The following GRAMD1B variants were observed in gnomAD, a reference collection of about 807,000 sequenced individuals.
GRAMD1B encodes the protein protein Aster-B.
A neutral mutation model predicts 99.7 loss-of-function variants in GRAMD1B; 37 were observed. The observed-to-expected ratio is 0.37, with a 90% CI of 0.29 to 0.49. The LOEUF (loss-of-function observed/expected upper bound fraction) is 0.49. Among genes scored for constraint, GRAMD1B ranks in the 20% least tolerant of loss-of-function variants. The probability of loss-of-function intolerance (pLI) is 0.98; values close to 1 mark genes in which losing one functional copy is unlikely to be tolerated. For synonymous variants in GRAMD1B, 427 were observed against 387.6 expected, an observed-to-expected ratio of 1.10 and a Z score of -1.19; for missense variants, 888 against 1,009.2, an observed-to-expected ratio of 0.88 and a Z score of 1.63.
At chr11:123,511,544 A>G (rs1409393102) in intron 2 of GRAMD1B, among the ~76,000 whole-genome samples, 1 of 152,144 alleles carries the variant, frequency 6.6e-6, no homozygotes, top group Non-Finnish European at 1.5e-5. Flanking sequence ...GGGGGCATCT[A>G]AGGAGGCTGA....
chr11:123,556,710 T>C (rs1337284941), intron 2 of GRAMD1B, among the ~76,000 whole-genome samples: 1 of 152,202 alleles, frequency 6.6e-6, no homozygotes, highest in African/African-American at 2.4e-5. Context: ...GAAAAGCAGC[T>C]TGGGAATTTA....
chr11:123,360,249 T>C (rs1458334455), intron 1 of GRAMD1B, among the ~76,000 whole-genome samples: 3 of 152,218 alleles, frequency 2.0e-5, no homozygotes, highest in Non-Finnish European at 1.5e-5. Context: ...TATTCAACTA[T>C]GCCTCCTGCC....
chr11:123,621,425 C>G (rs1955098455), intron 19 of GRAMD1B, among the ~76,000 whole-genome samples: 1 of 152,210 alleles, frequency 6.6e-6, no homozygotes, highest in East Asian at 1.9e-4. Flanking sequence ...TAGGAACCCA[C>G]TCAGTTCTCT....
chr11:123,409,947 G>A (rs1309350794), intron 1 of GRAMD1B, among the ~76,000 whole-genome samples: 1 of 152,170 alleles, frequency 6.6e-6, no homozygotes, highest in African/African-American at 2.4e-5. Flanking sequence ...CCTCACTGAG[G>A]TCCAATTAGT....
At chr11:123,542,157 GAT>G (rs1944599924) in intron 2 of GRAMD1B, among the ~76,000 whole-genome samples, 1 of 152,150 alleles carries the variant, frequency 6.6e-6, no homozygotes, top group African/African-American at 2.4e-5. Flanking sequence ...TTGTAAATGA[GAT>G]ATAGAGCAAT....
intron 4 of GRAMD1B, among the ~76,000 whole-genome samples, chr11:123,585,600 TAGG>T (rs1949988587): frequency 6.6e-6 from 1 of 152,130 alleles, no homozygotes; most frequent in Non-Finnish European, 1.5e-5. Flanking sequence ...CCTTACCTTC[TAGG>T]AGGTTTCCTG....
At chr11:123,390,407 G>A (rs1947235027) in intron 1 of GRAMD1B, among the ~76,000 whole-genome samples, 1 of 152,160 alleles carries the variant, frequency 6.6e-6, no homozygotes, top group African/African-American at 2.4e-5. Flanking sequence ...GCATCACCCT[G>A]CTCCTTGAAT....
At chr11:123,383,711 C>A (rs560643516) in intron 1 of GRAMD1B, among the ~76,000 whole-genome samples, 2 of 151,956 alleles carry the variant, frequency 1.3e-5, no homozygotes, top group East Asian at 3.9e-4. Flanking sequence ...ACACATCTCC[C>A]TGATGTTAAC....
At chr11:123,612,939 G>A in intron 15 of GRAMD1B, 75 bp downstream of exon 15, 1 of 801,302 alleles carries the variant, frequency 1.2e-6, no homozygotes, top group South Asian at 1.6e-5. Flanking sequence ...ACCATTCAGG[G>A]GAATGGTATT....
chr11:123,385,764 C>G (rs1345824261), intron 1 of GRAMD1B, among the ~76,000 whole-genome samples: 1 of 152,186 alleles, frequency 6.6e-6, no homozygotes, highest in Non-Finnish European at 1.5e-5. Flanking sequence ...GTTTGTGGAA[C>G]TGAATTACAA....
chr11:123,529,350 T>A (rs1364123368), intron 2 of GRAMD1B, among the ~76,000 whole-genome samples: 1 of 152,240 alleles, frequency 6.6e-6, no homozygotes, highest in African/African-American at 2.4e-5. Flanking sequence ...TTCACACAGC[T>A]GTACCTCATG....
chr11:123,502,757 A>G (rs1004353981), intron 2 of GRAMD1B, among the ~76,000 whole-genome samples: 6 of 145,240 alleles, frequency 4.1e-5, no homozygotes, highest in Non-Finnish European at 9.0e-5. Flanking sequence ...CCTGGGTGGC[A>G]GAGCGAGACT....
chr11:123,388,153 G>C (rs1307781568), intron 1 of GRAMD1B, among the ~76,000 whole-genome samples: 1 of 139,614 alleles, frequency 7.2e-6, no homozygotes, highest in Non-Finnish European at 1.6e-5. Flanking sequence ...AAAAAAAATA[G>C]CTATGGTTAG....
intron 1 of GRAMD1B, among the ~76,000 whole-genome samples, chr11:123,477,548 A>G (rs887203720): frequency 2.7e-5 from 4 of 149,582 alleles, no homozygotes; most frequent in African/African-American, 9.9e-5. Context: ...TTTCTTTTTC[A>G]GGGTTTCCAA....
chr11:123,385,984 T>C (rs1016814004), intron 1 of GRAMD1B, among the ~76,000 whole-genome samples: 2 of 152,192 alleles, frequency 1.3e-5, no homozygotes, highest in African/African-American at 4.8e-5. Context: ...CTCACTTCTC[T>C]GTCCACTTCT....
intron 2 of GRAMD1B, among the ~76,000 whole-genome samples, chr11:123,556,588 C>T (rs963545983): frequency 6.6e-6 from 1 of 152,298 alleles, no homozygotes; most frequent in South Asian, 2.1e-4. Flanking sequence ...TCTCAGAAAC[C>T]TCTTTTCCTT....
Position 123,575,746 on chromosome 11 carries a change from C to A in GRAMD1B, c.453-1621C>A, listed in dbSNP as rs142182752. 2.3e-3 allele frequency among the ~76,000 whole-genome samples: 356 copies of A among 152,034 alleles called. 1 individual carries two copies. Among genetic ancestry groups the A allele is most frequent in the Middle Eastern group, 0.021 (6 of 292 alleles). ...TCTCTAACCAAAGTAAAGGAAGGTA[C>A]CTTCCTTTCTCCAGAGTTTATGGTA... On this transcript the variant is annotated intron_variant, in intron 2 of 19. Coordinates refer to ENST00000635736, the MANE Select transcript of GRAMD1B (RefSeq NM_001387025.1).
chr11:123,408,242 G>A (rs769319206), intron 1 of GRAMD1B, among the ~76,000 whole-genome samples: 67 of 152,290 alleles, frequency 4.4e-4, no homozygotes, highest in South Asian at 1.0e-3. Flanking sequence ...AGGACTCTAC[G>A]ACTGTCACAC....
At chr11:123,613,060 C>G (rs1953812700) in intron 15 of GRAMD1B, 196 bp downstream of exon 15, 1 of 589,750 alleles carries the variant, frequency 1.7e-6, no homozygotes. Context: ...TTTTTCTAGA[C>G]TGTGTCTAGG....
Sources: allele counts gnomAD v4.1 joint callset (sites outside exome capture counted in the v4.1 genomes callset), GRCh38; gene constraint gnomAD v4.1.1; transcripts MANE v1.5; gene names NCBI Gene and HGNC (gene_info 2026-07-23, HGNC 2026-07-21).